ADAMTS14: variants seen among roughly 807,000 people sequenced by gnomAD.
ADAMTS14 encodes A disintegrin and metalloproteinase with thrombospondin motifs 14.
In ADAMTS14, 100 loss-of-function variants were observed where a neutral mutation model predicts 128.6. That is an observed-to-expected ratio of 0.78 (90% CI 0.66 to 0.92). The LOEUF (loss-of-function observed/expected upper bound fraction) is 0.92. ADAMTS14 is among the 40% of genes least tolerant of loss of function. ADAMTS14 has a pLI of 0.00. For synonymous variants in ADAMTS14, 665 were observed against 653.8 expected (o/e 1.02, Z -0.26); for missense variants, 1,562 against 1,658.6 (o/e 0.94, Z 1.01).
Position 70,749,996 on chromosome 10 carries a change from C to A in ADAMTS14, c.2427+11C>A, listed in dbSNP as rs551049415. 2.5e-6 allele frequency: 4 copies of A among 1,613,418 alleles called. No individual in the cohort carries two copies. In the Admixed American group the frequency reaches 6.7e-5, roughly 27 times the overall value. ...GCCATTGCCATCCTGGTGAGCCCCA[C>A]TCTGTGCGGTGGCAACCCCTGCCCA... is the stretch of plus-strand genomic sequence containing the variant. On this transcript the variant is annotated intron_variant, in intron 16 of 21. Coordinates refer to ENST00000373207, the MANE Select transcript of ADAMTS14 (RefSeq NM_080722.4).
chr10:70,681,057 C>T lies in ADAMTS14; in HGVS notation c.522+6062C>T, dbSNP rs1008836440. ...TGGCATTATCTGACTGGCCCTTGGC[C>T]AAGTCCTGGGGATGCAGGGATGAAG... On this transcript the variant is annotated intron_variant, in intron 2 of 21. Coordinates refer to ENST00000373207, the MANE Select transcript of ADAMTS14 (RefSeq NM_080722.4). Among the ~76,000 whole-genome samples, 13 of 152,210 alleles carry T rather than the reference C, an allele frequency of 8.5e-5. No individual in the cohort carries two copies. The East Asian group carries it at 2.3e-3, about 27-fold the overall frequency.
intron 15 of ADAMTS14, among the ~76,000 whole-genome samples, chr10:70,749,269 C>T (rs1300418016): frequency 3.3e-5 from 5 of 152,164 alleles, no homozygotes; most frequent in African/African-American, 1.2e-4. Flanking sequence ...TCGTGGGGCG[C>T]GGGGATTTCT....
chr10:70,738,168 AT>A (rs1253583727), intron 10 of ADAMTS14, among the ~76,000 whole-genome samples: 2 of 151,792 alleles, frequency 1.3e-5, no homozygotes, highest in East Asian at 1.9e-4. Flanking sequence ...AGCTTTGTGC[AT>A]TTTTTTCATG....
Position 70,674,808 on chromosome 10 carries a change from T to G in ADAMTS14, c.335T>G (p.Val112Gly). The change falls in exon 2 of 22, where the codon GTT (valine) becomes GGT (glycine). Residue 112 changes from valine to glycine, a missense_variant. Coordinates refer to ENST00000373207, the MANE Select transcript of ADAMTS14 (RefSeq NM_080722.4). The stretch of plus-strand genomic sequence containing the variant: ...CACTCCCTCTACTTCAATGTCACTG[T>G]TTTCGGGAAGGAACTGCACTTGCGC... ...GRHSLYFNVT[V>G]FGKELHLRLR... 1 of 1,613,770 alleles carries G rather than the reference T, an allele frequency of 6.2e-7. No homozygotes were observed. Among genetic ancestry groups the G allele is most frequent in the Non-Finnish European group, 8.5e-7 (1 of 1,180,020 alleles).
At chr10:70,718,606 G>A (rs750560484) in intron 4 of ADAMTS14, among the ~76,000 whole-genome samples, 9 of 151,466 alleles carry the variant, frequency 5.9e-5, no homozygotes, top group Non-Finnish European at 1.3e-4. Flanking sequence ...GGCTTGTCTC[G>A]AACACCTGAC....
At chr10:70,681,666 G>A (rs1839807458) in intron 2 of ADAMTS14, among the ~76,000 whole-genome samples, 1 of 152,222 alleles carries the variant, frequency 6.6e-6, no homozygotes, top group Non-Finnish European at 1.5e-5. Flanking sequence ...TGAGTGAGTA[G>A]GCGTCCTGTG....
chr10:70,730,279 A>G, intron 6 of ADAMTS14, 30 bp downstream of exon 6: 2 of 1,603,064 alleles, frequency 1.2e-6, no homozygotes, highest in Non-Finnish European at 1.7e-6. Flanking sequence ...TGCCATGGCC[A>G]GGTGTGTGCA....
chr10:70,714,946 C>CA (rs58012076), intron 4 of ADAMTS14, among the ~76,000 whole-genome samples: 717 of 62,952 alleles, frequency 0.011, 30 homozygotes, highest in African/African-American at 0.017. Context: ...ACTGCAGTCT[C>CA]AAAAAAAAAA....
intron 19 of ADAMTS14, among the ~76,000 whole-genome samples, chr10:70,755,288 A>G (rs1476268958): frequency 6.8e-6 from 1 of 146,482 alleles, no homozygotes; most frequent in Non-Finnish European, 1.5e-5. Context: ...CTCCAGCCTG[A>G]GTGACAGAGC....
chr10:70,744,063 C>T lies in ADAMTS14; in HGVS notation c.2059-3C>T, dbSNP rs1313459586. 1.3e-6 allele frequency: 2 copies of T among 1,560,592 alleles called. No individual in the cohort carries two copies. The highest frequency in any genetic ancestry group is 2.4e-5 in the East Asian group (1 of 41,536). ...CTCCCACTGACCTCACCTCTGGCCT[C>T]AGCCTGTCGGCTGTGACAAGGAGGT... On this transcript the variant is annotated splice_region_variant and splice_polypyrimidine_tract_variant and intron_variant, in intron 13 of 21. Coordinates refer to ENST00000373207, the MANE Select transcript of ADAMTS14 (RefSeq NM_080722.4).
At chr10:70,743,990 G>T in intron 13 of ADAMTS14, 76 bp from the exon 14 acceptor site, 1 of 1,518,208 alleles carries the variant, frequency 6.6e-7, no homozygotes, top group East Asian at 2.5e-5. Context: ...CCAGGGCCTG[G>T]GGATGGGAAT....
intron 21 of ADAMTS14, among the ~76,000 whole-genome samples, chr10:70,759,095 G>A (rs1456768062): frequency 1.1e-5 from 1 of 92,484 alleles, no homozygotes; most frequent in Non-Finnish European, 2.4e-5. Context: ...GTTCTGACTA[G>A]ATGTCCTCAA....
At chr10:70,735,994 G>A (rs1027669782) in intron 9 of ADAMTS14, among the ~76,000 whole-genome samples, 22 of 152,364 alleles carry the variant, frequency 1.4e-4, no homozygotes, top group African/African-American at 5.0e-4. Context: ...TCCGTGGAAT[G>A]GGGAGCGCCC....
At position 70,736,709 on chromosome 10, in the gene ADAMTS14, G is replaced by A. The variant is rs749839206; in HGVS notation, c.1515G>A (p.Leu505=). 5.0e-6 allele frequency: 8 copies of A among 1,613,818 alleles called. No homozygotes were observed. The highest frequency in any genetic ancestry group is 6.8e-6 in the Non-Finnish European group (8 of 1,179,888). The change falls in exon 10 of 22, where the codon CTG becomes CTA. Residue 505 remains leucine, a synonymous_variant. Transcript: ENST00000373207. ...AFRTFEPCKQ[L]WCSHPDNPYF... ...GGACCTTTGAGCCCTGCAAGCAGCT[G>A]TGGTGCAGCCATCCTGACAACCCGT...
At chr10:70,687,536 T>C (rs1435246876) in intron 2 of ADAMTS14, among the ~76,000 whole-genome samples, 22 of 18,826 alleles carry the variant, frequency 1.2e-3, no homozygotes, top group Non-Finnish European at 9.7e-4. Flanking sequence ...CCCTCCCGGA[T>C]GGGGCGGCTG....
chr10:70,685,565 G>A (rs1344449484), intron 2 of ADAMTS14, among the ~76,000 whole-genome samples: 1 of 152,156 alleles, frequency 6.6e-6, no homozygotes, highest in African/African-American at 2.4e-5. Flanking sequence ...GGAAGCCGAG[G>A]CTCAAGTTGG....
At chr10:70,745,187 T>C (rs530558197) in intron 14 of ADAMTS14, 39 bp from the exon 15 acceptor site, 14 of 1,598,470 alleles carry the variant, frequency 8.8e-6, no homozygotes, top group Admixed American at 8.5e-5. Flanking sequence ...GACCACCAGC[T>C]TAGGATGCTC....
At chr10:70,705,810 A>G (rs955491055) in intron 3 of ADAMTS14, among the ~76,000 whole-genome samples, 2 of 152,226 alleles carry the variant, frequency 1.3e-5, no homozygotes, top group Non-Finnish European at 2.9e-5. Flanking sequence ...GTGTATGGGC[A>G]TGCCACATTT....
At chr10:70,681,795 C>T (rs1371429601) in intron 2 of ADAMTS14, among the ~76,000 whole-genome samples, 1 of 152,244 alleles carries the variant, frequency 6.6e-6, no homozygotes, top group African/African-American at 2.4e-5. Context: ...TGGCTTGTCC[C>T]CTTACATCTT....
Sources: allele counts gnomAD v4.1 joint callset (sites outside exome capture counted in the v4.1 genomes callset), GRCh38; gene constraint gnomAD v4.1.1; transcripts MANE v1.5; gene names NCBI Gene and HGNC (gene_info 2026-07-23, HGNC 2026-07-21).